Variants in XKR9 observed in about 807,000 individuals in gnomAD.
XKR9 encodes XK-related protein 9.
Under a neutral mutation model 32.0 loss-of-function variants are expected in XKR9, and 32 were observed. That is an observed-to-expected ratio of 1.00 (90% CI 0.76 to 1.34). XKR9 has a LOEUF of 1.34. XKR9 is among the 40% of genes most tolerant of loss of function. The probability of loss-of-function intolerance (pLI) is 0.00; values close to 1 mark genes in which losing one functional copy is unlikely to be tolerated. For synonymous variants in XKR9, 168 were observed against 143.4 expected, an observed-to-expected ratio of 1.17 and a Z score of -1.22; for missense variants, 546 against 429.7, an observed-to-expected ratio of 1.27 and a Z score of -2.39.
intron 4 of XKR9, among the ~76,000 whole-genome samples, chr8:70,722,785 C>T (rs965909817): frequency 6.6e-6 from 1 of 151,912 alleles, no homozygotes; most frequent in Non-Finnish European, 1.5e-5. Context: ...TGTGGTTGCT[C>T]TTCTTGAGGA....
At chr8:70,702,224 A>T (rs1259913228) in intron 3 of XKR9, among the ~76,000 whole-genome samples, 2 of 152,112 alleles carry the variant, frequency 1.3e-5, no homozygotes, top group Non-Finnish European at 2.9e-5. Context: ...TCAGTCTCCA[A>T]ATCTTTGGGG....
At chr8:70,913,921 C>A in the XKR9 span, among the ~76,000 whole-genome samples, 4 of 152,154 alleles carry the variant, frequency 2.6e-5, no homozygotes, top group Admixed American at 1.3e-4. Flanking sequence ...TTGTGTGTAA[C>A]AGTAGTTTAT....
the XKR9 span, among the ~76,000 whole-genome samples, chr8:70,826,582 T>C: frequency 6.6e-6 from 1 of 152,176 alleles, no homozygotes; most frequent in African/African-American, 2.4e-5. Context: ...TTTATGTTAC[T>C]TCCTTTAAGA....
At chr8:70,819,245 A>G in the XKR9 span, among the ~76,000 whole-genome samples, 7 of 152,208 alleles carry the variant, frequency 4.6e-5, no homozygotes, top group Admixed American at 6.5e-5. Context: ...AGATGCCTGC[A>G]TATGTCTTAC....
chr8:70,999,652 C>T, the XKR9 span, among the ~76,000 whole-genome samples: 7 of 152,078 alleles, frequency 4.6e-5, no homozygotes, highest in African/African-American at 9.7e-5. Flanking sequence ...ACAGAGCAAC[C>T]GCAAAGTAAC....
chr8:70,851,954 G>A, the XKR9 span, among the ~76,000 whole-genome samples: 1 of 152,208 alleles, frequency 6.6e-6, no homozygotes, highest in African/African-American at 2.4e-5. Context: ...AAACTAAAGA[G>A]CTTCTGCACA....
intron 2 of XKR9, among the ~76,000 whole-genome samples, chr8:70,752,238 C>T (rs1260327326): frequency 6.6e-6 from 1 of 152,180 alleles, no homozygotes; most frequent in Non-Finnish European, 1.5e-5. Flanking sequence ...TTCTTTAAAA[C>T]ACAACATTTA....
intron 4 of XKR9, among the ~76,000 whole-genome samples, chr8:70,711,781 T>C (rs1245914734): frequency 2.6e-5 from 2 of 77,016 alleles, no homozygotes; most frequent in African/African-American, 8.2e-5. Context: ...AACTTAAAAG[T>C]TGGAAGAAAA....
At chr8:70,874,807 C>T in the XKR9 span, among the ~76,000 whole-genome samples, 3 of 152,138 alleles carry the variant, frequency 2.0e-5, no homozygotes, top group African/African-American at 4.8e-5. Flanking sequence ...GTGGGTTCTT[C>T]CCTCATGATA....
At chr8:70,835,125 T>C in the XKR9 span, among the ~76,000 whole-genome samples, 1 of 152,036 alleles carries the variant, frequency 6.6e-6, no homozygotes, top group Non-Finnish European at 1.5e-5. Context: ...AGCTGTGGCC[T>C]AATAAGGAAG....
the XKR9 span, among the ~76,000 whole-genome samples, chr8:71,012,293 T>A: frequency 6.6e-6 from 1 of 152,094 alleles, no homozygotes; most frequent in African/African-American, 2.4e-5. Context: ...GGAAAAATTA[T>A]GGGTAAGAGG....
At chr8:70,767,109 C>G (rs1298421269) in intron 2 of XKR9, among the ~76,000 whole-genome samples, 1 of 152,082 alleles carries the variant, frequency 6.6e-6, no homozygotes, top group African/African-American at 2.4e-5. Context: ...TGATGCTGGC[C>G]TCTTAAAATG....
At chr8:71,003,985 A>C in the XKR9 span, among the ~76,000 whole-genome samples, 1 of 152,230 alleles carries the variant, frequency 6.6e-6, no homozygotes, top group African/African-American at 2.4e-5. Flanking sequence ...CAAGTTTACC[A>C]GGTGAAGATA....
intron 3 of XKR9, among the ~76,000 whole-genome samples, chr8:70,684,578 G>A (rs912792027): frequency 5.2e-4 from 30 of 57,432 alleles, no homozygotes; most frequent in African/African-American, 8.3e-4. Flanking sequence ...TAATTGGTCT[G>A]TCTTAATTTT....
At chr8:70,732,841 G>A (rs907306421) in intron 4 of XKR9, among the ~76,000 whole-genome samples, 25 of 152,242 alleles carry the variant, frequency 1.6e-4, no homozygotes, top group African/African-American at 5.5e-4. Flanking sequence ...TGGTAGGCCA[G>A]GTGCAGTGGC....
chr8:70,889,658 T>C, the XKR9 span, among the ~76,000 whole-genome samples: 1 of 151,890 alleles, frequency 6.6e-6, no homozygotes, highest in Non-Finnish European at 1.5e-5. Flanking sequence ...ATATTACAAA[T>C]ATTATATGTA....
At chr8:70,683,912 C>T (rs934797270) in intron 3 of XKR9, among the ~76,000 whole-genome samples, 2 of 152,150 alleles carry the variant, frequency 1.3e-5, no homozygotes, top group Non-Finnish European at 2.9e-5. Flanking sequence ...CATTATCTTT[C>T]TTGAGAGATA....
intron 4 of XKR9, among the ~76,000 whole-genome samples, chr8:70,724,198 T>C (rs1047470838): frequency 1.4e-4 from 22 of 152,132 alleles, no homozygotes; most frequent in Non-Finnish European, 3.1e-4. Flanking sequence ...GAAAGCCGCC[T>C]ACTGAAGCCT....
the XKR9 span, among the ~76,000 whole-genome samples, chr8:71,013,253 C>A: frequency 6.6e-6 from 1 of 151,948 alleles, no homozygotes; most frequent in Non-Finnish European, 1.5e-5. Flanking sequence ...AGGGTAGGGG[C>A]CATTGTGGGG....
Sources: gnomAD v4.1 joint callset for allele counts (sites outside exome capture counted in the v4.1 genomes callset) on GRCh38, gnomAD v4.1.1 for gene constraint, MANE v1.5 for transcripts, NCBI Gene and HGNC (gene_info 2026-07-23, HGNC 2026-07-21) for gene names.